MCMDC2: variants seen among roughly 807,000 people sequenced by gnomAD.
MCMDC2 encodes the protein minichromosome maintenance domain-containing protein 2.
A neutral mutation model predicts 75.8 loss-of-function variants in MCMDC2; 54 were observed. The observed-to-expected ratio is 0.71, with a 90% CI of 0.57 to 0.89. The LOEUF (loss-of-function observed/expected upper bound fraction) is 0.89, where lower values mean the gene tolerates loss of function less well. MCMDC2 is among the 40% of genes least tolerant of loss of function. The probability of loss-of-function intolerance (pLI) is 0.00; values close to 1 mark genes in which losing one functional copy is unlikely to be tolerated. For missense variants in MCMDC2, 656 were observed against 780.4 expected, an observed-to-expected ratio of 0.84 and a Z score of 1.90; for synonymous variants, 249 against 274.6, an observed-to-expected ratio of 0.91 and a Z score of 0.92.
intron 7 of MCMDC2, 76 bp from the exon 8 acceptor site, chr8:66,880,773 G>T: frequency 7.6e-7 from 1 of 1,315,410 alleles, no homozygotes; most frequent in Non-Finnish European, 9.9e-7. Flanking sequence ...TACTAGTTCT[G>T]GATCTTTGAA....
intron 10 of MCMDC2, among the ~76,000 whole-genome samples, chr8:66,895,178 G>T (rs1313435482): frequency 6.6e-6 from 1 of 152,048 alleles, no homozygotes; most frequent in African/African-American, 2.4e-5. Context: ...TAAATGCTTT[G>T]CAAATTGTTA....
At chr8:66,896,746 T>G in intron 11 of MCMDC2, 34 bp from the exon 12 acceptor site, 4 of 1,501,140 alleles carry the variant, frequency 2.7e-6, no homozygotes, top group Non-Finnish European at 3.6e-6. Context: ...TTACAAAGTT[T>G]AATGTTTGCC....
chr8:66,906,427 G>T (rs1038403979), intron 14 of MCMDC2, among the ~76,000 whole-genome samples: 5 of 152,090 alleles, frequency 3.3e-5, no homozygotes, highest in Admixed American at 2.6e-4. Flanking sequence ...TCTATAAATT[G>T]TTCTATAATT....
At position 66,877,354 on chromosome 8, in the gene MCMDC2, T is replaced by G. The variant is rs1811338422; in HGVS notation, c.291T>G (p.Asn97Lys). 6.3e-7 allele frequency: 1 copy of G among 1,599,846 alleles called. No individual in the cohort carries two copies. The highest frequency in any genetic ancestry group is 1.7e-5 in the Admixed American group (1 of 58,482). The part of the protein sequence containing the change: ...IGQLQTETQI[N>K]IVLKLTHLPP... ...CATTTTTATGTTCTTATTAGATTAA[T>G]ATAGTGCTGAAATTAACACATTTAC... Residue 97 changes from asparagine to lysine, a missense_variant, in exon 5 of 15, where the codon AAT becomes AAG. Physicochemically the swap from Asn to Lys is moderately conservative, Grantham distance 94 (BLOSUM62 0). Coordinates refer to ENST00000422365, the MANE Select transcript of MCMDC2 (RefSeq NM_173518.5).
chr8:66,874,622 A>G (rs1225266986), intron 4 of MCMDC2, 36 bp downstream of exon 4: 14 of 1,539,310 alleles, frequency 9.1e-6, no homozygotes, highest in Admixed American at 3.9e-5. Context: ...ACTCAGGTAC[A>G]GATTTACATG....
intron 9 of MCMDC2, among the ~76,000 whole-genome samples, chr8:66,886,123 G>A (rs193182816): frequency 1.3e-5 from 2 of 151,548 alleles, no homozygotes; most frequent in East Asian, 3.9e-4. Flanking sequence ...AAATACCTAG[G>A]AGAAGAATTG....
intron 14 of MCMDC2, among the ~76,000 whole-genome samples, chr8:66,906,346 A>G (rs1812903145): frequency 6.6e-6 from 1 of 152,186 alleles, no homozygotes; most frequent in African/African-American, 2.4e-5. Flanking sequence ...TTTAAATTAC[A>G]TTTATATTGT....
At chr8:66,917,909 T>C (rs1813381297) in intron 14 of MCMDC2, among the ~76,000 whole-genome samples, 1 of 152,226 alleles carries the variant, frequency 6.6e-6, no homozygotes, top group African/African-American at 2.4e-5. Context: ...TTCAGTTCTT[T>C]TGGGTATATA....
intron 14 of MCMDC2, among the ~76,000 whole-genome samples, chr8:66,918,118 A>G (rs1813388813): frequency 6.6e-6 from 1 of 152,116 alleles, no homozygotes; most frequent in Admixed American, 6.5e-5. Context: ...GTAGTAGCTC[A>G]TTGTAGTTTT....
intron 8 of MCMDC2, among the ~76,000 whole-genome samples, chr8:66,882,592 C>A (rs567137812): frequency 2.0e-4 from 31 of 152,212 alleles, no homozygotes; most frequent in African/African-American, 6.5e-4. Flanking sequence ...TCTCAAACTC[C>A]TGACCTCATG....
At chr8:66,902,822 A>C in intron 13 of MCMDC2, among the ~76,000 whole-genome samples, 1 of 149,966 alleles carries the variant, frequency 6.7e-6, no homozygotes, top group African/African-American at 2.4e-5. Context: ...AAAGAACATT[A>C]TGAGAAAATA....
intron 14 of MCMDC2, among the ~76,000 whole-genome samples, chr8:66,910,076 T>G (rs999148634): frequency 3.9e-5 from 6 of 152,216 alleles, no homozygotes; most frequent in African/African-American, 1.4e-4. Flanking sequence ...GTGTTGGGCC[T>G]GCGGGTGCAC....
chr8:66,874,069 T>C lies in MCMDC2; in HGVS notation c.-72T>C. ...TATTTCTAGGTTTTCACATCCTTTC[T>C]ATGAGTTTCGCCATCTATAGCTTTT... On this transcript the variant is annotated 5_prime_UTR_variant, in exon 2 of 15. Transcript: ENST00000422365. The C allele has an allele frequency of 2.0e-6, 2 of 981,124 alleles. No individual in the cohort carries two copies. The highest frequency in any genetic ancestry group is 3.0e-6 in the Non-Finnish European group (2 of 671,370). The allele number at this position is 981,124 out of a possible 1,614,324, so 60.8% of individuals were successfully genotyped here.
rs983524055 is a variant in MCMDC2, at chr8:66,919,027, C to A, written c.1904C>A (p.Pro635Gln). 7 of 1,533,930 alleles carry A rather than the reference C, an allele frequency of 4.6e-6. No homozygotes were observed. The highest frequency in any genetic ancestry group is 5.3e-6 in the Non-Finnish European group (6 of 1,138,664). The change falls in exon 15 of 15, where the codon CCG becomes CAG. Residue 635 changes from proline (P) to glutamine (Q), a missense_variant. Pro to Gln is a moderately conservative substitution (Grantham distance 76, BLOSUM62 -1). Transcript: ENST00000422365. ...GGGGCCACTGTATTTTGTGTTGCTC[C>A]GAATGCAGTATTTCCATTTGAACTG... Reference protein sequence around the residue: ...KYGATVFCVAPNAVFPFELYN... With the variant: ...KYGATVFCVAQNAVFPFELYN...
At chr8:66,907,573 C>A (rs1485593247) in intron 14 of MCMDC2, among the ~76,000 whole-genome samples, 22 of 152,100 alleles carry the variant, frequency 1.4e-4, no homozygotes, top group Non-Finnish European at 2.6e-4. Context: ...ATTTAAAATC[C>A]TTTGGGTATA....
At chr8:66,897,597 A>G (rs1812421441) in intron 12 of MCMDC2, among the ~76,000 whole-genome samples, 1 of 152,174 alleles carries the variant, frequency 6.6e-6, no homozygotes, top group Admixed American at 6.5e-5. Flanking sequence ...TTCTATAGAA[A>G]ATTATAATAG....
intron 12 of MCMDC2, among the ~76,000 whole-genome samples, chr8:66,897,440 G>C (rs953818114): frequency 1.3e-5 from 2 of 150,440 alleles, no homozygotes; most frequent in Non-Finnish European, 3.0e-5. Context: ...AAAAAAGAAA[G>C]AAATTATTTA....
rs1585921913 is a variant in MCMDC2 at position 66,920,293 on chromosome 8, T to A, written c.*1124T>A. Reference sequence around the variant, plus strand: ...TCTCGCTCTGTCATGCAGGCTGGAGTGCAGTGGTGTTATCTTGGCACTGCA... The same window carrying A: ...TCTCGCTCTGTCATGCAGGCTGGAGAGCAGTGGTGTTATCTTGGCACTGCA... On this transcript the variant is annotated 3_prime_UTR_variant, in exon 15 of 15. Coordinates refer to ENST00000422365, the MANE Select transcript of MCMDC2 (RefSeq NM_173518.5). The A allele has an allele frequency of 6.6e-6, 1 of 152,220 alleles. No individual in the cohort carries two copies. Among genetic ancestry groups the A allele is most frequent in the South Asian group, 2.1e-4 (1 of 4,822 alleles). The allele number at this position is 152,220 out of a possible 1,614,324, so 9.4% of individuals were successfully genotyped here.
At chr8:66,924,492 G>A (rs1813660016), downstream of MCMDC2, among the ~76,000 whole-genome samples, 1 of 151,812 alleles carries the variant, frequency 6.6e-6, no homozygotes. Context: ...AAAATTAGCC[G>A]GGCGTGGTGG....
Sources: gnomAD v4.1 joint callset for allele counts (sites outside exome capture counted in the v4.1 genomes callset) on GRCh38, gnomAD v4.1.1 for gene constraint, MANE v1.5 for transcripts, NCBI Gene and HGNC (gene_info 2026-07-23, HGNC 2026-07-21) for gene names.